EYA1: variants seen among roughly 807,000 people sequenced by gnomAD.
The protein encoded by EYA1 is EYA transcriptional coactivator and phosphatase 1.
Under a neutral mutation model 82.0 loss-of-function variants are expected in EYA1, and 16 were observed. That is an observed-to-expected ratio of 0.20 (90% CI 0.13 to 0.30). EYA1 has a LOEUF of 0.30. Ranked by LOEUF, EYA1 falls within the 10% of genes least tolerant of loss-of-function variation. The pLI, the probability that EYA1 is intolerant of heterozygous loss-of-function variation, is 1.00. For synonymous variants in EYA1, 261 were observed against 264.4 expected (o/e 0.99, Z 0.12); for missense variants, 633 against 730.7 (o/e 0.87, Z 1.54).
At position 71,321,735 on chromosome 8, in the gene EYA1, A is replaced by G. The variant is rs760398939; in HGVS notation, c.417T>C (p.Tyr139=). 1.9e-6 allele frequency: 3 copies of G among 1,614,100 alleles called. No individual in the cohort carries two copies. The highest frequency in any genetic ancestry group is 1.7e-6 in the Non-Finnish European group (2 of 1,179,974). Residue 139 remains tyrosine, a splice_region_variant and synonymous_variant, in exon 6 of 18, where the codon TAT becomes TAC. Transcript: ENST00000340726. ...QPGQPYGISS[Y]GALWAGIKTE... is the part of the protein sequence containing the mutation. ...CCACTACAGTTGCAGGTTACTCACC[A>G]TATGAGGAAATGCCGTACGGCTGTC... is the stretch of plus-strand genomic sequence containing the variant.
In EYA1 at chr8:71,347,312, T is replaced by TTTTATTTATTTA. The variant is rs151215046; in HGVS notation, c.124+7458_124+7469dup. Among the ~76,000 whole-genome samples, 650 of 151,806 alleles carry TTTTATTTATTTA rather than the reference T, an allele frequency of 4.3e-3. 7 individuals are homozygous for TTTTATTTATTTA. The highest frequency in any genetic ancestry group is 0.015 in the African/African-American group (620 of 41,418). On this transcript the variant is annotated intron_variant, in intron 3 of 17. Transcript: ENST00000340726. ...TGCCTAAAAGTTACCCTAAAGATTG[T>TTTTATTTATTTA]TTTATTTATTTATTTATTTATTTAT...
rs909910334 is a variant in EYA1, at chr8:71,274,974, G to A, written c.827-3077C>T. 6.4e-5 allele frequency among the ~76,000 whole-genome samples: 8 copies of A among 125,698 alleles called. No homozygotes were observed. In the East Asian group the frequency reaches 8.5e-4, roughly 13 times the overall value. 82.5% of individuals were successfully genotyped at this position (125,698 alleles called of 152,430 possible). A position where few individuals can be genotyped will look rare whatever the true frequency, so the allele number is the denominator to read the frequency against. On this transcript the variant is annotated intron_variant, in intron 9 of 17. Transcript: ENST00000340726. ...CGAGTGAACAAGCGCAAGCGCGTGCGAGAGCGCATGTCACATTTAAGAAAT... is the reference window on the plus strand; with the variant it reads ...CGAGTGAACAAGCGCAAGCGCGTGCAAGAGCGCATGTCACATTTAAGAAAT...
chr8:71,546,513 T>TA lies in EYA1; in HGVS notation c.-73+1350_-73+1351insT, dbSNP rs1351140423. Among the ~76,000 whole-genome samples the TA allele has an allele frequency of 6.0e-4, 87 of 144,566 alleles. 1 individual carries two copies. The highest frequency in any genetic ancestry group is 1.6e-3 in the African/African-American group (61 of 38,146). The allele number at this position is 144,566 out of a possible 152,430, so 94.8% of individuals were successfully genotyped here. A position where few individuals can be genotyped will look rare whatever the true frequency, so the allele number is the denominator to read the frequency against. On this transcript the variant is annotated intron_variant, in intron 1 of 18. Coordinates refer to the EYA1 transcript ENST00000643681. ...GTAGACACTTTCTACTGATTCTTAT[T>TA]TTTTTTTTTTTTTTGAACGCTCTGT...
chr8:71,289,020 G>A (rs1427930249), intron 9 of EYA1, among the ~76,000 whole-genome samples: 1 of 152,062 alleles, frequency 6.6e-6, no homozygotes, highest in Non-Finnish European at 1.5e-5. Flanking sequence ...TGATAGAATC[G>A]TCACCATTCC....
At chr8:71,290,178 C>CTGATAAGTT (rs1818841814) in intron 9 of EYA1, among the ~76,000 whole-genome samples, 2 of 152,190 alleles carry the variant, frequency 1.3e-5, no homozygotes, top group Non-Finnish European at 2.9e-5. Flanking sequence ...ATCAGTTCTA[C>CTGATAAGTT]CTTTATTTAA....
chr8:71,306,772 G>A (rs1261678411), intron 7 of EYA1, among the ~76,000 whole-genome samples: 1 of 152,060 alleles, frequency 6.6e-6, no homozygotes, highest in African/African-American at 2.4e-5. Context: ...TTTATCTTCT[G>A]GAAACCTGAG....
intron 11 of EYA1, among the ~76,000 whole-genome samples, chr8:71,251,976 T>C (rs762480183): frequency 3.3e-5 from 5 of 152,126 alleles, no homozygotes; most frequent in African/African-American, 7.2e-5. Context: ...TCTGTCAGCT[T>C]TGAATTCAAA....
rs1019214423 is a variant in EYA1 at position 71,362,022 on chromosome 8, G to T, written c.-430C>A. 16 of 985,356 alleles carry T rather than the reference G, an allele frequency of 1.6e-5. No individual in the cohort carries two copies. Among genetic ancestry groups the T allele is most frequent in the African/African-American group, 5.2e-5 (3 of 57,238 alleles). The allele number at this position is 985,356 out of a possible 1,614,324, so 61.0% of individuals were successfully genotyped here. A position where few individuals can be genotyped will look rare whatever the true frequency, so the allele number is the denominator to read the frequency against. On this transcript the variant is annotated 5_prime_UTR_variant, in exon 1 of 18. Coordinates refer to ENST00000340726, the MANE Select transcript of EYA1 (RefSeq NM_000503.6). Reference sequence around the variant, plus strand: ...CCGTTCTGTTTGGTAACAGCTTTGCGCCCAGCGCTCCTTCCCCACCAAACA... The same window carrying T: ...CCGTTCTGTTTGGTAACAGCTTTGCTCCCAGCGCTCCTTCCCCACCAAACA...
intron 9 of EYA1, among the ~76,000 whole-genome samples, chr8:71,283,979 T>C (rs1818101914): frequency 6.6e-6 from 1 of 152,216 alleles, no homozygotes; most frequent in South Asian, 2.1e-4. Flanking sequence ...TATCAGGATC[T>C]GAACCCAGGC....
intron 1 of EYA1, 100 bp downstream of exon 1, chr8:71,361,547 A>G (rs1488412615): frequency 7.4e-6 from 4 of 539,184 alleles, no homozygotes; most frequent in Non-Finnish European, 9.5e-6. Flanking sequence ...TTGAAAACAA[A>G]TCAAAACAAT....
At chr8:71,484,488 C>T (rs1055229253) in intron 2 of EYA1, among the ~76,000 whole-genome samples, 2 of 152,132 alleles carry the variant, frequency 1.3e-5, no homozygotes, top group Non-Finnish European at 2.9e-5. Flanking sequence ...ATAACTTTGC[C>T]CTCAGTCTAA....
chr8:71,482,272 GCTAA>G (rs1263782689), intron 2 of EYA1, among the ~76,000 whole-genome samples: 1 of 152,076 alleles, frequency 6.6e-6, no homozygotes, highest in African/African-American at 2.4e-5. Flanking sequence ...TATTCAAATG[GCTAA>G]AAAGCATACG....
chr8:71,523,018 T>C (rs890970233), intron 2 of EYA1, among the ~76,000 whole-genome samples: 8 of 152,202 alleles, frequency 5.3e-5, no homozygotes, highest in African/African-American at 1.4e-4. Flanking sequence ...CTTTTCATTA[T>C]AGGATTATAA....
intron 4 of EYA1, among the ~76,000 whole-genome samples, chr8:71,332,452 C>G (rs1823992271): frequency 1.3e-5 from 2 of 152,140 alleles, no homozygotes; most frequent in African/African-American, 2.4e-5. Flanking sequence ...CTCACTTACC[C>G]CTATACCCAT....
chr8:71,306,446 G>T (rs538679608), intron 7 of EYA1, among the ~76,000 whole-genome samples: 1 of 152,028 alleles, frequency 6.6e-6, no homozygotes, highest in Non-Finnish European at 1.5e-5. Flanking sequence ...CTGAATTGCC[G>T]GGGGTGGGGG....
chr8:71,316,742 T>C (rs1043350223), intron 7 of EYA1, among the ~76,000 whole-genome samples: 3 of 152,156 alleles, frequency 2.0e-5, no homozygotes, highest in Middle Eastern at 3.2e-3. Flanking sequence ...AATTCAACTA[T>C]GGATTGGCAC....
At chr8:71,430,925 G>T (rs537934818) in intron 2 of EYA1, among the ~76,000 whole-genome samples, 1 of 151,618 alleles carries the variant, frequency 6.6e-6, no homozygotes, top group Non-Finnish European at 1.5e-5. Context: ...AAACACTACA[G>T]GGCCTAAGAA....
chr8:71,447,082 T>TTATATATA (rs5892279), intron 2 of EYA1, among the ~76,000 whole-genome samples: 7 of 144,878 alleles, frequency 4.8e-5, no homozygotes, highest in African/African-American at 1.8e-4. Flanking sequence ...TTGATAATCT[T>TTATATATA]TATATATATA....
rs373541875 is a variant in EYA1, at chr8:71,408,855, T to G, written c.34-52344A>C. ...CAAGGATACCCAGGAATTGAACTCATCTCTGCACCAAGCGGACCTAATAGA... is the reference window on the plus strand; with the variant it reads ...CAAGGATACCCAGGAATTGAACTCAGCTCTGCACCAAGCGGACCTAATAGA... On this transcript the variant is annotated intron_variant, in intron 2 of 18. Coordinates refer to the EYA1 transcript ENST00000643681. Among the ~76,000 whole-genome samples, 80 of 119,966 alleles carry G rather than the reference T, an allele frequency of 6.7e-4. 2 individuals carry two copies. Among genetic ancestry groups the G allele is most frequent in the Non-Finnish European group, 1.1e-3 (66 of 58,810 alleles). The allele number at this position is 119,966 out of a possible 152,430, so 78.7% of individuals were successfully genotyped here.
Sources: allele counts gnomAD v4.1 joint callset (sites outside exome capture counted in the v4.1 genomes callset), GRCh38; gene constraint gnomAD v4.1.1; transcripts MANE v1.5; gene names NCBI Gene and HGNC (gene_info 2026-07-23, HGNC 2026-07-21).